VPS13B: variants seen among roughly 807,000 people sequenced by gnomAD.
VPS13B encodes the protein vacuolar protein sorting 13 homolog B, also known as intermembrane lipid transfer protein VPS13B.
VPS13B carries 285 observed loss-of-function variants against 426.4 expected under a neutral mutation model. The observed-to-expected ratio is 0.67, with a 90% CI of 0.61 to 0.74. VPS13B has a LOEUF of 0.74. VPS13B is among the 30% of genes least tolerant of loss of function. The pLI is 0.00. For synonymous variants in VPS13B, 1,676 were observed against 1,676.4 expected (o/e 1.00, Z 0.01); for missense variants, 4,537 against 4,782.6 (o/e 0.95, Z 1.51).
At chr8:99,668,419 C>A (rs1588607243) in intron 35 of VPS13B, among the ~76,000 whole-genome samples, 1 of 151,614 alleles carries the variant, frequency 6.6e-6, no homozygotes, top group African/African-American at 2.4e-5. Context: ...AACTGCCTAA[C>A]CTTAAGCTTT....
chr8:99,384,148 C>T, intron 19 of VPS13B, 60 bp from the exon 20 acceptor site: 1 of 1,364,784 alleles, frequency 7.3e-7, no homozygotes, highest in South Asian at 1.2e-5. Context: ...TGTAAAGTGA[C>T]AAATAGCTTA....
At position 99,817,412 on chromosome 8, in the gene VPS13B, C is replaced by G. The variant is rs935871995; in HGVS notation, c.8098-128C>G. 8 of 1,251,258 alleles carry G rather than the reference C, an allele frequency of 6.4e-6. No homozygotes were observed. The African/African-American group carries it at 7.5e-5, about 12-fold the overall frequency. The allele number at this position is 1,251,258 out of a possible 1,614,324, so 77.5% of individuals were successfully genotyped here. On this transcript the variant is annotated intron_variant, in intron 44 of 61. Coordinates refer to ENST00000357162, the MANE Select transcript of VPS13B (RefSeq NM_152564.5). ...CTTCAAGTCTTTTTTCCTTCTTGTA[C>G]TGTTTAAGCTAATTACTTCATTTTC... is the stretch of plus-strand genomic sequence containing the variant.
At chr8:99,651,286 T>G (rs1829804693) in intron 34 of VPS13B, among the ~76,000 whole-genome samples, 1 of 152,188 alleles carries the variant, frequency 6.6e-6, no homozygotes, top group Non-Finnish European at 1.5e-5. Flanking sequence ...TAATTCATAT[T>G]CTGCATAATT....
chr8:99,113,572 C>T (rs13261948), intron 6 of VPS13B, among the ~76,000 whole-genome samples: 1 of 151,282 alleles, frequency 6.6e-6, no homozygotes, highest in Non-Finnish European at 1.5e-5. Flanking sequence ...TTCTTTTCTT[C>T]TTTTTTTTTG....
Position 99,853,496 on chromosome 8 carries a change from A to C in VPS13B, c.10107A>C (p.Leu3369Phe). The C allele has an allele frequency of 6.2e-7, 1 of 1,614,158 alleles. No homozygotes were observed. The highest frequency in any genetic ancestry group is 8.5e-7 in the Non-Finnish European group (1 of 1,180,026). Reference protein sequence around the residue: ...IVTFKMFITQLSLAVFDDLTH... With the variant: ...IVTFKMFITQFSLAVFDDLTH... ...CATTTAAAATGTTCATCACTCAGTT[A>C]AGCCTGGCAGTGTTTGATGACCTCA... The change falls in exon 56 of 62, where the codon TTA becomes TTC. Residue 3369 changes from leucine to phenylalanine, a missense_variant. Coordinates refer to ENST00000357162, the MANE Select transcript of VPS13B (RefSeq NM_152564.5).
At chr8:99,534,831 A>G (rs954774775) in intron 30 of VPS13B, among the ~76,000 whole-genome samples, 3 of 152,216 alleles carry the variant, frequency 2.0e-5, no homozygotes. Flanking sequence ...TTGTAACAAA[A>G]GAGTAACCTG....
chr8:99,521,040 C>A, intron 30 of VPS13B, 30 bp downstream of exon 30: 1 of 1,560,230 alleles, frequency 6.4e-7, no homozygotes, highest in Non-Finnish European at 8.8e-7. Flanking sequence ...TCCAATCTTG[C>A]AACAATTTTC....
At chr8:99,743,553 C>G (rs1016188518) in intron 39 of VPS13B, among the ~76,000 whole-genome samples, 2 of 152,266 alleles carry the variant, frequency 1.3e-5, no homozygotes, top group South Asian at 4.2e-4. Context: ...GGAGGTATCA[C>G]GCTACCTGAC....
chr8:99,071,735 G>A (rs1236249221), intron 3 of VPS13B, among the ~76,000 whole-genome samples: 2 of 152,156 alleles, frequency 1.3e-5, no homozygotes, highest in African/African-American at 2.4e-5. Flanking sequence ...GGGAATCTTA[G>A]AAATCTGCTT....
At chr8:99,266,305 A>T (rs1320748256) in intron 17 of VPS13B, among the ~76,000 whole-genome samples, 2 of 152,020 alleles carry the variant, frequency 1.3e-5, no homozygotes, top group Non-Finnish European at 2.9e-5. Flanking sequence ...CCAGCTACCC[A>T]GGAGGCTGAG....
intron 33 of VPS13B, among the ~76,000 whole-genome samples, chr8:99,591,807 A>G (rs1278266081): frequency 6.6e-6 from 1 of 151,926 alleles, no homozygotes; most frequent in Admixed American, 6.6e-5. Flanking sequence ...TTTCAACCTT[A>G]ATGAATCTCA....
chr8:99,456,008 T>C (rs930483501), intron 23 of VPS13B, among the ~76,000 whole-genome samples: 1 of 152,236 alleles, frequency 6.6e-6, no homozygotes, highest in Non-Finnish European at 1.5e-5. Flanking sequence ...GGTAAATTTA[T>C]GTTGAACAGT....
chr8:99,233,395 G>T, intron 17 of VPS13B: 1 of 1,102,388 alleles, frequency 9.1e-7, no homozygotes. Flanking sequence ...GGCCTTGATG[G>T]AGGCTCTGGC....
At chr8:99,385,067 G>T (rs571902785) in intron 20 of VPS13B, among the ~76,000 whole-genome samples, 1 of 152,112 alleles carries the variant, frequency 6.6e-6, no homozygotes, top group Non-Finnish European at 1.5e-5. Context: ...GATTGGGATG[G>T]TTGGTGCAAA....
intron 21 of VPS13B, 41 bp downstream of exon 21, chr8:99,391,745 A>C (rs770966106): frequency 1.2e-6 from 2 of 1,604,944 alleles, no homozygotes; most frequent in African/African-American, 1.3e-5. Flanking sequence ...ATTGTACTCT[A>C]CTTCTAAGCT....
intron 3 of VPS13B, among the ~76,000 whole-genome samples, chr8:99,075,505 C>G (rs1181461103): frequency 2.0e-5 from 3 of 152,170 alleles, no homozygotes; most frequent in Non-Finnish European, 4.4e-5. Context: ...CCAGTCACCT[C>G]TCACCAGGCC....
At chr8:99,181,188 A>G (rs1182348059) in intron 16 of VPS13B, among the ~76,000 whole-genome samples, 1 of 152,256 alleles carries the variant, frequency 6.6e-6, no homozygotes, top group East Asian at 1.9e-4. Context: ...AGTTAGCAAT[A>G]TGTAGGATAG....
chr8:99,045,185 TC>T (rs1287779265), intron 3 of VPS13B, among the ~76,000 whole-genome samples: 1 of 152,232 alleles, frequency 6.6e-6, no homozygotes, highest in Non-Finnish European at 1.5e-5. Context: ...GTAGAAGTGT[TC>T]CTGGTTTACT....
chr8:99,339,588 C>T (rs1166027040), intron 19 of VPS13B, among the ~76,000 whole-genome samples: 2 of 151,566 alleles, frequency 1.3e-5, no homozygotes, highest in South Asian at 2.1e-4. Flanking sequence ...TTGGTGGAGA[C>T]ACAGATCCAA....
Sources: gnomAD v4.1 joint callset for allele counts (sites outside exome capture counted in the v4.1 genomes callset) on GRCh38, gnomAD v4.1.1 for gene constraint, MANE v1.5 for transcripts, NCBI Gene and HGNC (gene_info 2026-07-23, HGNC 2026-07-21) for gene names.